HTR4: variants seen among roughly 807,000 people sequenced by gnomAD.
The protein encoded by HTR4 is 5-hydroxytryptamine receptor 4.
A neutral mutation model predicts 36.8 loss-of-function variants in HTR4; 16 were observed. The ratio of observed to expected loss-of-function variants is 0.43; its 90% confidence interval spans 0.29 to 0.66. The LOEUF (loss-of-function observed/expected upper bound fraction) is 0.66. HTR4 is among the 30% of genes least tolerant of loss of function. HTR4 has a pLI of 0.13. For missense variants in HTR4, 438 were observed against 490.9 expected (o/e 0.89, Z 1.02); for synonymous variants, 189 against 185.1 (o/e 1.02, Z -0.17).
Position 148,497,178 on chromosome 5 carries a change from GTTTTAT to G in HTR4, c.1076+12272_1076+12277del, listed in dbSNP as rs199995313. Among the ~76,000 whole-genome samples, 856 of 152,130 alleles carry G rather than the reference GTTTTAT, an allele frequency of 5.6e-3. 4 individuals are homozygous for G. The highest frequency in any genetic ancestry group is 0.019 in the African/African-American group (803 of 41,512). On this transcript the variant is annotated intron_variant, in intron 6 of 6. Transcript: ENST00000377888. ...TTTAGTTATTGCTTCTGTGGATGGT[GTTTTAT>G]TTTTATTTTTATTTTTATTTTGAGA...
intron 5 of HTR4, among the ~76,000 whole-genome samples, chr5:148,515,284 G>C (rs1757688465): frequency 2.6e-5 from 4 of 152,026 alleles, no homozygotes; most frequent in Admixed American, 1.3e-4. Flanking sequence ...AACAGCCCAT[G>C]CCCCACGCCT....
At chr5:148,507,204 A>G (rs772365080) in intron 6 of HTR4, among the ~76,000 whole-genome samples, 1 of 151,570 alleles carries the variant, frequency 6.6e-6, no homozygotes, top group African/African-American at 2.4e-5. Flanking sequence ...ATAAAAAAGG[A>G]TGAGTTCACG....
chr5:148,567,173 C>T (rs1475227092), intron 2 of HTR4, among the ~76,000 whole-genome samples: 1 of 152,064 alleles, frequency 6.6e-6, no homozygotes, highest in Non-Finnish European at 1.5e-5. Context: ...TGCCCATCCA[C>T]CTGAAGCTGC....
At chr5:148,522,528 A>C (rs940818407) in intron 5 of HTR4, among the ~76,000 whole-genome samples, 1 of 152,198 alleles carries the variant, frequency 6.6e-6, no homozygotes, top group Admixed American at 6.5e-5. Flanking sequence ...TTATATATAA[A>C]GTATTTAGCA....
downstream of HTR4, among the ~76,000 whole-genome samples, chr5:148,473,070 C>T (rs1011585609): frequency 3.3e-5 from 5 of 151,940 alleles, no homozygotes; most frequent in African/African-American, 1.2e-4. Flanking sequence ...GAGGCCGAGG[C>T]GGGTGGATCA....
At chr5:148,568,762 C>A (rs374712441) in intron 2 of HTR4, among the ~76,000 whole-genome samples, 14 of 152,014 alleles carry the variant, frequency 9.2e-5, no homozygotes, top group African/African-American at 3.4e-4. Context: ...GCAGTATGTT[C>A]GAAATTTTTG....
intron 5 of HTR4, among the ~76,000 whole-genome samples, chr5:148,511,372 A>T (rs921501583): frequency 6.6e-6 from 1 of 152,122 alleles, no homozygotes; most frequent in Non-Finnish European, 1.5e-5. Context: ...ACATCATCAT[A>T]ATGTAATTTT....
intron 2 of HTR4, among the ~76,000 whole-genome samples, chr5:148,599,653 C>A (rs1761910750): frequency 6.6e-6 from 1 of 150,652 alleles, no homozygotes; most frequent in South Asian, 2.1e-4. Flanking sequence ...AAAAATGATC[C>A]CAGAGAAAAA....
chr5:148,639,925 C>T (rs968397330), intron 1 of HTR4, among the ~76,000 whole-genome samples: 1 of 152,068 alleles, frequency 6.6e-6, no homozygotes, highest in Non-Finnish European at 1.5e-5. Flanking sequence ...AGTATTATAT[C>T]TTAATTAGTT....
downstream of HTR4, among the ~76,000 whole-genome samples, chr5:148,474,299 C>T (rs983690000): frequency 6.6e-6 from 1 of 151,530 alleles, no homozygotes; most frequent in African/African-American, 2.4e-5. Flanking sequence ...AAAAAGCGAT[C>T]GCTATAAGGC....
chr5:148,532,100 T>C (rs1373717908), intron 4 of HTR4, among the ~76,000 whole-genome samples: 2 of 152,198 alleles, frequency 1.3e-5, no homozygotes, highest in Admixed American at 6.5e-5. Context: ...CCTTGTCCTC[T>C]GTATGTGCTA....
Position 148,564,452 on chromosome 5 carries a change from T to C in HTR4, c.27-14190A>G, listed in dbSNP as rs558381958. On this transcript the variant is annotated intron_variant, in intron 2 of 6. Coordinates refer to ENST00000377888, the MANE Select transcript of HTR4 (RefSeq NM_000870.7). Reference sequence around the variant, plus strand: ...GTGCCTCCCAACCACACTAACTTACTGATTTTGGTATCAACAGTGCCTAGT... The same window carrying C: ...GTGCCTCCCAACCACACTAACTTACCGATTTTGGTATCAACAGTGCCTAGT... Among the ~76,000 whole-genome samples, 7 of 152,330 alleles carry C rather than the reference T, an allele frequency of 4.6e-5. No homozygotes were observed. In the East Asian group the frequency reaches 1.4e-3, roughly 29 times the overall value.
At chr5:148,632,315 T>A (rs1451243294) in intron 2 of HTR4, among the ~76,000 whole-genome samples, 1 of 152,140 alleles carries the variant, frequency 6.6e-6, no homozygotes, top group African/African-American at 2.4e-5. Flanking sequence ...ATGCTACCAT[T>A]TATATGATTC....
Position 148,482,999 on chromosome 5 carries a change from A to T in HTR4, c.*204T>A. On this transcript the variant is annotated 3_prime_UTR_variant, in exon 7 of 7. Transcript: ENST00000377888. Reference sequence around the variant, plus strand: ...AGTGTTGGGAAATAAAAAGTGAACAAGGAGGCCATTATGTCCCCTGACTCC... The same window carrying T: ...AGTGTTGGGAAATAAAAAGTGAACATGGAGGCCATTATGTCCCCTGACTCC... 7.0e-7 allele frequency: 1 copy of T among 1,429,838 alleles called. No individual in the cohort carries two copies. The highest frequency in any genetic ancestry group is 9.2e-7 in the Non-Finnish European group (1 of 1,089,404). The allele number at this position is 1,429,838 out of a possible 1,614,324, so 88.6% of individuals were successfully genotyped here.
chr5:148,600,293 AAC>A (rs1219616419), intron 2 of HTR4, among the ~76,000 whole-genome samples: 2 of 147,932 alleles, frequency 1.4e-5, no homozygotes, highest in Non-Finnish European at 3.0e-5. Flanking sequence ...TACATATATA[AAC>A]ACATATATAT....
At chr5:148,524,956 C>T (rs1244539624) in intron 4 of HTR4, among the ~76,000 whole-genome samples, 1 of 152,098 alleles carries the variant, frequency 6.6e-6, no homozygotes, top group Non-Finnish European at 1.5e-5. Context: ...AGGAGAAATA[C>T]CCGCTTTCCT....
intron 5 of HTR4, among the ~76,000 whole-genome samples, chr5:148,469,003 C>A (rs868066529): frequency 1.3e-5 from 2 of 152,124 alleles, no homozygotes; most frequent in African/African-American, 4.8e-5. Flanking sequence ...GAGGCCTCCC[C>A]AGCCCTGCAG....
intron 2 of HTR4, among the ~76,000 whole-genome samples, chr5:148,595,551 A>C (rs1435638141): frequency 6.6e-6 from 1 of 152,182 alleles, no homozygotes; most frequent in Non-Finnish European, 1.5e-5. Flanking sequence ...GGGTGTGCAA[A>C]GATCCCACAA....
At chr5:148,648,228 C>G (rs1753930956) in intron 1 of HTR4, among the ~76,000 whole-genome samples, 2 of 152,088 alleles carry the variant, frequency 1.3e-5, no homozygotes, top group Admixed American at 1.3e-4. Context: ...AAATGAGACA[C>G]AGAGCTCTCA....
Sources: gnomAD v4.1 joint callset for allele counts (sites outside exome capture counted in the v4.1 genomes callset) on GRCh38, gnomAD v4.1.1 for gene constraint, MANE v1.5 for transcripts, NCBI Gene and HGNC (gene_info 2026-07-23, HGNC 2026-07-21) for gene names.